SLCO2A1: variants seen among roughly 807,000 people sequenced by gnomAD.
The protein encoded by SLCO2A1 is matrin F/G 1.
Under a neutral mutation model 71.7 loss-of-function variants are expected in SLCO2A1, and 60 were observed. That is an observed-to-expected ratio of 0.84 (90% CI 0.68 to 1.04). SLCO2A1 has a LOEUF of 1.04. Among genes scored for constraint, SLCO2A1 ranks in the 50% least tolerant of loss-of-function variants. The probability of loss-of-function intolerance (pLI) is 0.00; values close to 1 mark genes in which losing one functional copy is unlikely to be tolerated. For synonymous variants in SLCO2A1, 308 were observed against 326.7 expected (o/e 0.94, Z 0.62); for missense variants, 745 against 813.4 (o/e 0.92, Z 1.02).
intron 3 of SLCO2A1, among the ~76,000 whole-genome samples, chr3:133,962,005 G>A (rs1436765367): frequency 6.6e-6 from 1 of 152,246 alleles, no homozygotes; most frequent in Non-Finnish European, 1.5e-5. Context: ...TCAAGCCTGA[G>A]ACACCCTTGG....
At chr3:133,959,546 T>C (rs1933982533) in intron 3 of SLCO2A1, among the ~76,000 whole-genome samples, 1 of 151,984 alleles carries the variant, frequency 6.6e-6, no homozygotes, top group Non-Finnish European at 1.5e-5. Context: ...TCATCAACAC[T>C]GGGCGTGACG....
At chr3:134,015,869 C>T (rs1363263791) in intron 1 of SLCO2A1, among the ~76,000 whole-genome samples, 1 of 152,082 alleles carries the variant, frequency 6.6e-6, no homozygotes, top group East Asian at 1.9e-4. Context: ...AATAGATCCA[C>T]ACAAGTACAG....
rs1391273529 is a variant in SLCO2A1 at position 133,955,815 on chromosome 3, C to T, written c.398-622G>A. On this transcript the variant is annotated intron_variant, in intron 3 of 13. Transcript: ENST00000310926. ...AAGACATTTAATATCCTTACCGTTC[C>T]GGGGAAGCTCCCAGAACTTCTGATG... is the stretch of plus-strand genomic sequence containing the variant. 3.3e-5 allele frequency among the ~76,000 whole-genome samples: 5 copies of T among 152,204 alleles called. 1 individual carries two copies. Among genetic ancestry groups the T allele is most frequent in the Admixed American group, 2.6e-4 (4 of 15,286 alleles).
intron 8 of SLCO2A1, among the ~76,000 whole-genome samples, chr3:133,948,034 T>C (rs1933630999): frequency 6.6e-6 from 1 of 152,210 alleles, no homozygotes; most frequent in Admixed American, 6.5e-5. Flanking sequence ...CCAGAGATTC[T>C]GGTTTCGTTA....
chr3:134,023,934 T>A lies in SLCO2A1; in HGVS notation c.96+5773A>T, dbSNP rs1341654631. ...AAGCTCTCTCTGCTATATCCCAAAG[T>A]CTGGCACCCTGCGGGTCAGCCCCCA... On this transcript the variant is annotated intron_variant, in intron 1 of 13. Transcript: ENST00000310926. Among the ~76,000 whole-genome samples the A allele has an allele frequency of 3.3e-5, 5 of 152,186 alleles. No homozygotes were observed. In the East Asian group the frequency reaches 9.6e-4, roughly 29 times the overall value.
At chr3:134,020,205 A>G (rs1190604747) in intron 1 of SLCO2A1, among the ~76,000 whole-genome samples, 1 of 152,184 alleles carries the variant, frequency 6.6e-6, no homozygotes, top group Non-Finnish European at 1.5e-5. Context: ...GCCCTTAAAA[A>G]GGACAGGAAT....
At chr3:133,986,527 C>T (rs908503810) in intron 1 of SLCO2A1, among the ~76,000 whole-genome samples, 1 of 152,196 alleles carries the variant, frequency 6.6e-6, no homozygotes, top group African/African-American at 2.4e-5. Flanking sequence ...GGGCAGGAGG[C>T]ACTCAGGCTT....
At chr3:133,964,119 G>A (rs1222711356) in intron 3 of SLCO2A1, among the ~76,000 whole-genome samples, 2 of 152,132 alleles carry the variant, frequency 1.3e-5, no homozygotes, top group Non-Finnish European at 2.9e-5. Flanking sequence ...GGAAAACTAG[G>A]AGAACATAGT....
intron 1 of SLCO2A1, among the ~76,000 whole-genome samples, chr3:134,010,367 G>C (rs1162443924): frequency 6.6e-6 from 1 of 152,088 alleles, no homozygotes; most frequent in Admixed American, 6.5e-5. Flanking sequence ...TGAAGGGGAG[G>C]CAAGGCATAT....
At chr3:134,014,545 T>A (rs1480044943) in intron 1 of SLCO2A1, among the ~76,000 whole-genome samples, 1 of 152,138 alleles carries the variant, frequency 6.6e-6, no homozygotes, top group East Asian at 1.9e-4. Context: ...TCAAAGACAA[T>A]GCGGGTGCTT....
rs752840486 is a variant in SLCO2A1, at chr3:133,945,146, G to A, written c.1410C>T (p.Cys470=). The change falls in exon 10 of 14, where the codon TGC becomes TGT. Residue 470 remains cysteine (C), a synonymous_variant. Coordinates refer to ENST00000310926, the MANE Select transcript of SLCO2A1 (RefSeq NM_005630.3). Reference sequence around the variant, plus strand: ...TGTTGATGTTGCTGCAGCCGGCATGGCAAGGGGAGAGGTACTCGATTCCAT... The same window carrying A: ...TGTTGATGTTGCTGCAGCCGGCATGACAAGGGGAGAGGTACTCGATTCCAT... ...GDNGIEYLSP[C]HAGCSNINMS... is the part of the protein sequence containing the mutation. The A allele has an allele frequency of 1.9e-6, 3 of 1,614,066 alleles. No individual in the cohort carries two copies. Among genetic ancestry groups the A allele is most frequent in the East Asian group, 4.5e-5 (2 of 44,876 alleles).
At chr3:133,999,810 G>A (rs757214011) in intron 1 of SLCO2A1, among the ~76,000 whole-genome samples, 21 of 152,196 alleles carry the variant, frequency 1.4e-4, no homozygotes, top group Non-Finnish European at 2.5e-4. Flanking sequence ...GAGAGTTCCA[G>A]GTAGGTGAGA....
rs184748103 is a variant in SLCO2A1 at position 133,962,099 on chromosome 3, A to G, written c.398-6906T>C. Among the ~76,000 whole-genome samples, 104 of 152,190 alleles carry G rather than the reference A, an allele frequency of 6.8e-4. 1 individual carries two copies. Among genetic ancestry groups the G allele is most frequent in the African/African-American group, 2.4e-3 (100 of 41,510 alleles). On this transcript the variant is annotated intron_variant, in intron 3 of 13. Coordinates refer to ENST00000310926, the MANE Select transcript of SLCO2A1 (RefSeq NM_005630.3). ...TTATTTTATTTTATTTTATTTTTTG[A>G]GACAGAGTCTCGCTCTGTCGCCCAG...
intron 1 of SLCO2A1, among the ~76,000 whole-genome samples, chr3:133,990,157 C>T (rs536377730): frequency 2.0e-5 from 3 of 152,266 alleles, no homozygotes; most frequent in South Asian, 4.1e-4. Context: ...CTGCAGGCCC[C>T]GTGCACGCAG....
chr3:133,947,500 G>A, intron 8 of SLCO2A1, 55 bp from the exon 9 acceptor site: 1 of 1,458,478 alleles, frequency 6.9e-7, no homozygotes, highest in South Asian at 1.3e-5. Flanking sequence ...ACTGCATGTG[G>A]GCTACAAACA....
chr3:133,989,043 G>A (rs1392838194), intron 1 of SLCO2A1, among the ~76,000 whole-genome samples: 3 of 152,144 alleles, frequency 2.0e-5, no homozygotes, highest in South Asian at 2.1e-4. Context: ...CTTCCACCAC[G>A]TCTCAGATGG....
At chr3:134,004,317 T>G (rs1256937420) in intron 1 of SLCO2A1, among the ~76,000 whole-genome samples, 1 of 152,210 alleles carries the variant, frequency 6.6e-6, no homozygotes, top group Non-Finnish European at 1.5e-5. Context: ...GGTCTTAAAT[T>G]AATCACAAGA....
chr3:133,948,869 AC>A (rs758144641), intron 7 of SLCO2A1, 23 bp downstream of exon 7: 5 of 1,610,174 alleles, frequency 3.1e-6, no homozygotes, highest in Non-Finnish European at 3.4e-6. Context: ...GTGCCAGCCC[AC>A]CCAGGGCTGT....
chr3:133,972,709 A>G (rs373357760), intron 3 of SLCO2A1, among the ~76,000 whole-genome samples: 1 of 152,230 alleles, frequency 6.6e-6, no homozygotes, highest in Non-Finnish European at 1.5e-5. Context: ...AGACAGAGGC[A>G]TGGTACCTTC....
Sources: gnomAD v4.1 joint callset for allele counts (sites outside exome capture counted in the v4.1 genomes callset) on GRCh38, gnomAD v4.1.1 for gene constraint, MANE v1.5 for transcripts, NCBI Gene and HGNC (gene_info 2026-07-23, HGNC 2026-07-21) for gene names.